Variants in CCDC136 observed in about 807,000 individuals in gnomAD.
CCDC136 encodes the protein coiled-coil domain-containing protein 136.
CCDC136 carries 100 observed loss-of-function variants against 141.2 expected under a neutral mutation model. That is an observed-to-expected ratio of 0.71 (90% confidence interval 0.60 to 0.84). CCDC136 has a LOEUF of 0.84. Ranked by LOEUF, CCDC136 falls within the 40% of genes least tolerant of loss-of-function variation. CCDC136 has a pLI of 0.00. For synonymous variants in CCDC136, 474 were observed against 531.9 expected (o/e 0.89, Z 1.50); for missense variants, 1,206 against 1,379.4 (o/e 0.87, Z 1.99).
chr7:128,806,009 T>C, intron 7 of CCDC136, 108 bp downstream of exon 7: 2 of 1,345,690 alleles, frequency 1.5e-6, no homozygotes, highest in Non-Finnish European at 2.1e-6. Context: ...TGCTGACTCT[T>C]GCCCTGCAAC....
chr7:128,818,451 C>G (rs949934374), intron 17 of CCDC136, among the ~76,000 whole-genome samples: 2 of 152,260 alleles, frequency 1.3e-5, no homozygotes, highest in Non-Finnish European at 2.9e-5. Flanking sequence ...AACCGAACCC[C>G]TACTGTATTC....
chr7:128,811,559 A>T (rs188259158), intron 12 of CCDC136, among the ~76,000 whole-genome samples: 1 of 152,332 alleles, frequency 6.6e-6, no homozygotes, highest in Non-Finnish European at 1.5e-5. Flanking sequence ...TGCAGAAACC[A>T]GCCGAAATGG....
At chr7:128,802,014 C>T (rs1421184042) in intron 4 of CCDC136, among the ~76,000 whole-genome samples, 1 of 152,168 alleles carries the variant, frequency 6.6e-6, no homozygotes, top group Non-Finnish European at 1.5e-5. Flanking sequence ...GCTGCCCTGG[C>T]ATCATGGTGC....
Position 128,805,728 on chromosome 7 carries a change from T to C in CCDC136, c.949-33T>C. 6.2e-7 allele frequency: 1 copy of C among 1,607,298 alleles called. No individual in the cohort carries two copies. Among genetic ancestry groups the C allele is most frequent in the Non-Finnish European group, 8.5e-7 (1 of 1,176,586 alleles). On this transcript the variant is annotated intron_variant, in intron 6 of 17. Transcript: ENST00000297788. This position sits in a 1 kb window ranked among gnomAD's most constrained non-coding sequence, Gnocchi z 4.6. ...CTTGGAGCATATGTGGTATCTGTAG[T>C]AAACAAGCCTCCCTGTTCCATTTCC...
At chr7:128,796,023 T>G (rs1258133204) in intron 3 of CCDC136, among the ~76,000 whole-genome samples, 1 of 152,194 alleles carries the variant, frequency 6.6e-6, no homozygotes, top group African/African-American at 2.4e-5. Context: ...TTGCCCAGGC[T>G]GGAGTGCAAT....
Position 128,805,061 on chromosome 7 carries a change from T to C in CCDC136, c.783-298T>C, listed in dbSNP as rs1804622320. Among the ~76,000 whole-genome samples the C allele has an allele frequency of 6.6e-6, 1 of 152,278 alleles. No homozygotes were observed. The highest frequency in any genetic ancestry group is 2.4e-5 in the African/African-American group (1 of 41,476). Reference sequence around the variant, plus strand: ...AGATTCTTTTATTGTCTGCATAGACTTGTTTCAGTCTAATGGCAGGCACAA... The same window carrying C: ...AGATTCTTTTATTGTCTGCATAGACCTGTTTCAGTCTAATGGCAGGCACAA... On this transcript the variant is annotated intron_variant, in intron 5 of 17. Coordinates refer to ENST00000297788, the MANE Select transcript of CCDC136 (RefSeq NM_022742.5). This position sits in a 1 kb window ranked among gnomAD's most constrained non-coding sequence, Gnocchi z 4.6.
chr7:128,796,739 A>ATATATTTTTTTTTTT lies in CCDC136; in HGVS notation c.346+1972_346+1973insATATTTTTTTTTTTT. 4.7e-4 allele frequency among the ~76,000 whole-genome samples: 53 copies of ATATATTTTTTTTTTT among 113,374 alleles called. 1 individual carries two copies. The highest frequency in any genetic ancestry group is 7.5e-4 in the Admixed American group (9 of 11,970). 74.4% of individuals were successfully genotyped at this position (113,374 alleles called of 152,430 possible). On this transcript the variant is annotated intron_variant, in intron 3 of 17. Transcript: ENST00000297788. The stretch of plus-strand genomic sequence containing the variant: ...TGATTCAGAATATATATATATATAT[A>ATATATTTTTTTTTTT]TTCTTTTTTTTTTTTTTTTTGAGAC...
At position 128,808,659 on chromosome 7, in the gene CCDC136, G is replaced by A. The variant is rs1391501185; in HGVS notation, c.1606-791G>A. ...CCCTGGGGAAAGGCCTTCAGGAGAC[G>A]GAGGACTGGGAAGGTTATTTGGGCC... On this transcript the variant is annotated intron_variant, in intron 10 of 17. Coordinates refer to ENST00000297788, the MANE Select transcript of CCDC136 (RefSeq NM_022742.5). 16 of 985,388 alleles carry A rather than the reference G, an allele frequency of 1.6e-5. No individual in the cohort carries two copies. The South Asian group carries it at 3.8e-4, about 23-fold the overall frequency. 61.0% of individuals were successfully genotyped at this position (985,388 alleles called of 1,614,324 possible).
At chr7:128,806,439 C>T (rs765937460) in intron 8 of CCDC136, 44 bp downstream of exon 8, 4 of 1,536,106 alleles carry the variant, frequency 2.6e-6, no homozygotes, top group African/African-American at 1.4e-5. Flanking sequence ...GTGCTAAGGG[C>T]ATCCTTCTGA....
At chr7:128,810,426 G>A in intron 12 of CCDC136, 60 bp downstream of exon 12, 1 of 1,253,940 alleles carries the variant, frequency 8.0e-7, no homozygotes, top group Admixed American at 1.9e-5. Context: ...GGCAGAGAGA[G>A]TGGGCACCGC....
At position 128,809,430 on chromosome 7, in the gene CCDC136, ACACCCGCCCC is replaced by A; in HGVS notation, c.1606-14_1606-5del. 8.4e-7 allele frequency: 1 copy of A among 1,189,864 alleles called. No individual in the cohort carries two copies. The highest frequency in any genetic ancestry group is 1.2e-6 in the Non-Finnish European group (1 of 840,904). 73.7% of individuals were successfully genotyped at this position (1,189,864 alleles called of 1,614,324 possible). A position where few individuals can be genotyped will look rare whatever the true frequency, so the allele number is the denominator to read the frequency against. On this transcript the variant is annotated splice_polypyrimidine_tract_variant and intron_variant, in intron 10 of 17. Transcript: ENST00000297788. ...ACCTTACAGAGTAACCACCCCCTCC[ACACCCGCCCC>A]CACCCACAGTGTGACACACTGCTGT...
At position 128,812,743 on chromosome 7, in the gene CCDC136, G is replaced by A. The variant is rs1330073457; in HGVS notation, c.2577G>A (p.Lys859=). 1.9e-6 allele frequency: 3 copies of A among 1,613,392 alleles called. No homozygotes were observed. The highest frequency in any genetic ancestry group is 1.3e-5 in the African/African-American group (1 of 74,728). ...AAATGGTTGTGAAAGTGCTGATCAA[G>A]CTGCAGGCGGTGCAGGCCATGTACC... ...FEEMVVKVLI[K]LQAVQAMYQI... The change falls in exon 14 of 18, where the codon AAG becomes AAA. Residue 859 remains lysine (K), a synonymous_variant. Transcript: ENST00000297788.
Position 128,806,704 on chromosome 7 carries a change from T to C in CCDC136, c.1265T>C (p.Leu422Pro). 6.2e-7 allele frequency: 1 copy of C among 1,610,500 alleles called. No homozygotes were observed. Among genetic ancestry groups the C allele is most frequent in the African/African-American group, 1.3e-5 (1 of 74,974 alleles). Residue 422 changes from leucine to proline, a missense_variant, in exon 9 of 18, where the codon CTG becomes CCG. Coordinates refer to ENST00000297788, the MANE Select transcript of CCDC136 (RefSeq NM_022742.5). ...NQSEKELLCR[L>P]QKLHLQHQNV... ...CTACCATAGGAGTTACTGTGCCGGC[T>C]GCAGAAGCTGCACCTCCAGCACCAG... is the stretch of plus-strand genomic sequence containing the variant.
At chr7:128,798,554 C>T (rs188911640) in intron 3 of CCDC136, among the ~76,000 whole-genome samples, 199 of 152,092 alleles carry the variant, frequency 1.3e-3, no homozygotes, top group African/African-American at 4.7e-3. Flanking sequence ...GTTTGGCCGA[C>T]AATACCATTT....
rs770292740 is a variant in CCDC136, at chr7:128,805,863, G to A, written c.1051G>A (p.Glu351Lys). The A allele has an allele frequency of 2.5e-6, 4 of 1,613,970 alleles. No homozygotes were observed. The highest frequency in any genetic ancestry group is 3.4e-6 in the Non-Finnish European group (4 of 1,179,890). The change falls in exon 7 of 18, where the codon GAG becomes AAG. Residue 351 changes from glutamate to lysine, a missense_variant. By Grantham distance (56) the Glu-to-Lys change is moderately conservative. Coordinates refer to ENST00000297788, the MANE Select transcript of CCDC136 (RefSeq NM_022742.5). This position sits in a 1 kb window ranked among gnomAD's most constrained non-coding sequence, Gnocchi z 4.6. ...LQRELKCAQN[E>K]VLRFQTSHSV... ...GAGGGAGCTCAAGTGTGCTCAGAAT[G>A]AGGTGCTTCGGTTTCAGACCTCCCA...
At chr7:128,793,922 TG>T (rs372219163) in intron 1 of CCDC136, among the ~76,000 whole-genome samples, 3 of 152,232 alleles carry the variant, frequency 2.0e-5, no homozygotes, top group Non-Finnish European at 1.5e-5. Flanking sequence ...AGTTTTGTTT[TG>T]TTTTTTAACT....
At position 128,814,773 on chromosome 7, in the gene CCDC136, C is replaced by G. The variant is rs939243966; in HGVS notation, c.2899C>G (p.Leu967Val). 2 of 1,613,448 alleles carry G rather than the reference C, an allele frequency of 1.2e-6. No individual in the cohort carries two copies. Among genetic ancestry groups the G allele is most frequent in the Non-Finnish European group, 1.7e-6 (2 of 1,179,642 alleles). ...LQCCQEELRQ[L>V]REKRPSVVKE... ...GTGCTGCCAGGAGGAGCTCCGCCAG[C>G]TCAGGGAGAAGAGGCCTTCTGTTGT... is the stretch of plus-strand genomic sequence containing the variant. Residue 967 changes from leucine (L) to valine (V), a missense_variant, in exon 15 of 18, where the codon CTC becomes GTC. By Grantham distance (32) the Leu-to-Val change is conservative. Transcript: ENST00000297788.
At chr7:128,811,396 C>T (rs1805686255) in intron 12 of CCDC136, 2 of 459,344 alleles carry the variant, frequency 4.4e-6, no homozygotes, top group South Asian at 1.6e-5. Context: ...CATTCAAGGC[C>T]GGGGCTGATT....
chr7:128,818,777 G>A (rs1807027396), intron 17 of CCDC136, among the ~76,000 whole-genome samples: 1 of 152,158 alleles, frequency 6.6e-6, no homozygotes, highest in Non-Finnish European at 1.5e-5. Context: ...ACGGCCTAAG[G>A]TAGAAGCCTG....
Sources: allele counts gnomAD v4.1 joint callset (sites outside exome capture counted in the v4.1 genomes callset), GRCh38; gene constraint gnomAD v4.1.1; non-coding constraint Gnocchi (gnomAD v3.1); transcripts MANE v1.5; gene names NCBI Gene and HGNC (gene_info 2026-07-23, HGNC 2026-07-21).